The following SEPTIN7 variants were observed in gnomAD, a reference collection of about 807,000 sequenced individuals.
The protein encoded by SEPTIN7 is septin 7.
Under a neutral mutation model 63.3 loss-of-function variants are expected in SEPTIN7, and 10 were observed. The observed-to-expected ratio is 0.16, with a 90% CI of 0.10 to 0.27. SEPTIN7 has a LOEUF of 0.27. Ranked by LOEUF, SEPTIN7 falls within the 10% of genes least tolerant of loss-of-function variation. The pLI is 1.00. For synonymous variants in SEPTIN7, 131 were observed against 165.3 expected (o/e 0.79, Z 1.59); for missense variants, 310 against 521.0 (o/e 0.59, Z 3.94).
chr7:35,877,311 C>T (rs1012649150), intron 6 of SEPTIN7, among the ~76,000 whole-genome samples: 1 of 152,102 alleles, frequency 6.6e-6, no homozygotes, highest in African/African-American at 2.4e-5. Flanking sequence ...CTTAATTCTC[C>T]ATGTTTGCTT....
At chr7:35,849,327 G>T (rs1378253186) in intron 3 of SEPTIN7, among the ~76,000 whole-genome samples, 1 of 152,096 alleles carries the variant, frequency 6.6e-6, no homozygotes, top group Non-Finnish European at 1.5e-5. Context: ...AGGGGAGCAG[G>T]ATGGTTTCGG....
At chr7:35,811,641 T>C in intron 1 of SEPTIN7, among the ~76,000 whole-genome samples, 2 of 152,094 alleles carry the variant, frequency 1.3e-5, no homozygotes, top group South Asian at 4.1e-4. Flanking sequence ...AAACCCAGCA[T>C]TTTGGGAGGT....
intron 3 of SEPTIN7, among the ~76,000 whole-genome samples, chr7:35,861,297 T>C (rs1391973707): frequency 6.6e-6 from 1 of 152,194 alleles, no homozygotes; most frequent in Non-Finnish European, 1.5e-5. Context: ...TCTTCAGGAA[T>C]GGTTTCTGGA....
chr7:35,881,804 A>G (rs1445569260), intron 7 of SEPTIN7, among the ~76,000 whole-genome samples: 1 of 151,962 alleles, frequency 6.6e-6, no homozygotes, highest in Non-Finnish European at 1.5e-5. Context: ...AGTGATTTTG[A>G]ACATGATAAT....
Position 35,890,705 on chromosome 7 carries a change from G to A in SEPTIN7, c.910G>A (p.Val304Ile), listed in dbSNP as rs375490583. ...GGACTTGAAAGATGTTACTAATAAT[G>A]TCCACTATGAGAACTACAGAAGCAG... is the stretch of plus-strand genomic sequence containing the variant. ...MQDLKDVTNN[V>I]HYENYRSRKL... The change falls in exon 11 of 14, where the codon GTC (valine) becomes ATC (isoleucine). Residue 304 changes from valine to isoleucine, a missense_variant. Around this residue, in one of 2 missense-constraint regions of SEPTIN7, gnomAD observed 255 missense variants for 490.5 expected, o/e 0.52. Transcript: ENST00000350320. The A allele has an allele frequency of 2.5e-6, 4 of 1,593,010 alleles. No individual in the cohort carries two copies. Among genetic ancestry groups the A allele is most frequent in the Non-Finnish European group, 3.4e-6 (4 of 1,172,024 alleles).
intron 6 of SEPTIN7, among the ~76,000 whole-genome samples, chr7:35,875,766 C>G (rs1786435336): frequency 2.0e-5 from 3 of 151,686 alleles, no homozygotes; most frequent in Non-Finnish European, 4.4e-5. Context: ...AGGATTTTTT[C>G]TCTTATACAT....
intron 1 of SEPTIN7, among the ~76,000 whole-genome samples, chr7:35,804,827 C>CTTTTTTTTTTTTTT (rs1295875115): frequency 8.1e-6 from 1 of 123,638 alleles, no homozygotes; most frequent in Non-Finnish European, 1.7e-5. Context: ...AAGCGTGTTT[C>CTTTTTTTTTTTTTT]TTTTTTTGTT....
chr7:35,844,873 G>T (rs534193901), intron 3 of SEPTIN7, among the ~76,000 whole-genome samples: 46 of 152,256 alleles, frequency 3.0e-4, no homozygotes, highest in African/African-American at 1.1e-3. Context: ...TTACAGGTAT[G>T]AGCCATTGCT....
At chr7:35,887,462 T>C (rs1446497639) in intron 10 of SEPTIN7, among the ~76,000 whole-genome samples, 1 of 152,204 alleles carries the variant, frequency 6.6e-6, no homozygotes, top group Non-Finnish European at 1.5e-5. Context: ...TTCTCCTGCC[T>C]CAGCTTCCTG....
At chr7:35,821,004 G>A (rs1020030122) in intron 1 of SEPTIN7, among the ~76,000 whole-genome samples, 4 of 152,144 alleles carry the variant, frequency 2.6e-5, no homozygotes, top group Non-Finnish European at 4.4e-5. Context: ...GGGACTACCA[G>A]ACACATCAAA....
At chr7:35,915,161 A>ATATATATACACATGTATACATGTGTACG in the SEPTIN7 span, among the ~76,000 whole-genome samples, 1 of 152,106 alleles carries the variant, frequency 6.6e-6, no homozygotes, top group Non-Finnish European at 1.5e-5. Context: ...ACATGTGTAC[A>ATATATATACACATGTATACATGTGTACG]TATATATACA....
intron 11 of SEPTIN7, among the ~76,000 whole-genome samples, chr7:35,893,226 T>C (rs1017483020): frequency 1.3e-4 from 2 of 15,236 alleles, no homozygotes; most frequent in African/African-American, 1.5e-4. Flanking sequence ...ATTGCTCTCA[T>C]GTGACTCTAT....
intron 11 of SEPTIN7, among the ~76,000 whole-genome samples, chr7:35,894,213 C>G (rs1199788499): frequency 6.8e-6 from 1 of 146,982 alleles, no homozygotes; most frequent in African/African-American, 2.5e-5. Context: ...TACTTAAAAT[C>G]ACATTTTATT....
At chr7:35,809,293 G>A (rs569759856) in intron 1 of SEPTIN7, among the ~76,000 whole-genome samples, 7 of 152,262 alleles carry the variant, frequency 4.6e-5, no homozygotes, top group South Asian at 2.1e-4. Flanking sequence ...GCAAATAACA[G>A]AACTTCTATT....
At chr7:35,832,995 C>T (rs1001982319) in intron 3 of SEPTIN7, 95 bp downstream of exon 3, 11 of 725,572 alleles carry the variant, frequency 1.5e-5, no homozygotes, top group Non-Finnish European at 2.5e-5. Context: ...GCACAGATAT[C>T]TACAGTGATC....
At chr7:35,814,791 C>T (rs762421496) in intron 1 of SEPTIN7, among the ~76,000 whole-genome samples, 11 of 151,970 alleles carry the variant, frequency 7.2e-5, no homozygotes, top group Middle Eastern at 3.4e-3. Context: ...CTGGCTAACA[C>T]GGTGAAACCC....
chr7:35,880,445 A>T (rs1466106722), intron 7 of SEPTIN7, among the ~76,000 whole-genome samples: 1 of 151,808 alleles, frequency 6.6e-6, no homozygotes, highest in Non-Finnish European at 1.5e-5. Context: ...AGTGGTAACC[A>T]ATCATTTCTT....
intron 10 of SEPTIN7, among the ~76,000 whole-genome samples, chr7:35,889,421 G>C (rs980320149): frequency 6.6e-6 from 1 of 152,196 alleles, no homozygotes; most frequent in Non-Finnish European, 1.5e-5. Flanking sequence ...ATGTCAGTAC[G>C]AAATGAATCA....
chr7:35,817,589 G>A lies in SEPTIN7; in HGVS notation c.62-13903G>A, dbSNP rs114535656. Among the ~76,000 whole-genome samples the A allele has an allele frequency of 3.4e-3, 524 of 152,210 alleles. 3 individuals carry two copies. The highest frequency in any genetic ancestry group is 0.012 in the African/African-American group (510 of 41,560). On this transcript the variant is annotated intron_variant, in intron 1 of 13. Transcript: ENST00000350320. ...TTTCTACAAGTAGGCCAACAAGGAT[G>A]TTGATAGCCATGGTGTTGAACTTGT...
Sources: allele counts gnomAD v4.1 joint callset (sites outside exome capture counted in the v4.1 genomes callset), GRCh38; gene constraint gnomAD v4.1.1; regional missense constraint gnomAD v4.1.1; transcripts MANE v1.5; gene names NCBI Gene and HGNC (gene_info 2026-07-23, HGNC 2026-07-21).